Variants in PCBP3 observed in about 807,000 individuals in gnomAD.
The protein encoded by PCBP3 is poly(rC)-binding protein 3.
In PCBP3, 25 loss-of-function variants were observed where a neutral mutation model predicts 52.7. That is an observed-to-expected ratio of 0.47 (90% confidence interval 0.35 to 0.66). PCBP3 has a LOEUF of 0.66. Among genes scored for constraint, PCBP3 ranks in the 30% least tolerant of loss-of-function variants. The probability of loss-of-function intolerance (pLI) is 0.01; values close to 1 mark genes in which losing one functional copy is unlikely to be tolerated. For missense variants in PCBP3, 391 were observed against 490.3 expected, an observed-to-expected ratio of 0.80 and a Z score of 1.91; for synonymous variants, 162 against 183.0, an observed-to-expected ratio of 0.89 and a Z score of 0.93.
chr21:45,659,965 T>C (rs2080277214), intron 1 of PCBP3, among the ~76,000 whole-genome samples: 1 of 152,134 alleles, frequency 6.6e-6, no homozygotes, highest in African/African-American at 2.4e-5. Flanking sequence ...GTCTAATTAG[T>C]TTATTAGTAT....
intron 14 of PCBP3, 40 bp downstream of exon 14, chr21:45,930,035 C>T: frequency 1.4e-6 from 2 of 1,406,672 alleles, no homozygotes; most frequent in Non-Finnish European, 2.0e-6. Flanking sequence ...TCTCTTCTCA[C>T]CTGGGGACTT....
In PCBP3 at chr21:45,741,762, C is replaced by A. The variant is rs967364169; in HGVS notation, c.-162+6333C>A. On this transcript the variant is annotated intron_variant, in intron 3 of 17. Transcript: ENST00000681687. The surrounding 1 kb of genome is among the most constrained non-coding windows in gnomAD (Gnocchi z 4.5). ...AGCTCCCTTGCTTGCCCTGCTCCTG[C>A]CAGGGCAGACTTCCACTGCCCTTGC... Among the ~76,000 whole-genome samples, 1 of 152,184 alleles carries A rather than the reference C, an allele frequency of 6.6e-6. No individual in the cohort carries two copies. Among genetic ancestry groups the A allele is most frequent in the East Asian group, 1.9e-4 (1 of 5,190 alleles).
chr21:45,802,727 C>T lies in PCBP3; in HGVS notation c.-125-47234C>T, dbSNP rs529340216. Among the ~76,000 whole-genome samples the T allele has an allele frequency of 6.6e-6, 1 of 152,214 alleles. No individual in the cohort carries two copies. Among genetic ancestry groups the T allele is most frequent in the South Asian group, 2.1e-4 (1 of 4,816 alleles). ...AGGGAGGCAGGAGCAGGAGGGGCAT[C>T]GTGTCCCCAAGGACCCCAGGCAGGG... On this transcript the variant is annotated intron_variant, in intron 4 of 17. Coordinates refer to ENST00000681687, the MANE Select transcript of PCBP3 (RefSeq NM_001384156.1). This position sits in a 1 kb window ranked among gnomAD's most constrained non-coding sequence, Gnocchi z 5.1.
At chr21:45,711,079 G>A (rs1321672523) in intron 2 of PCBP3, among the ~76,000 whole-genome samples, 3 of 152,112 alleles carry the variant, frequency 2.0e-5, no homozygotes, top group Non-Finnish European at 4.4e-5. Context: ...AGTATTTCCT[G>A]CCCTTGTGCT....
At chr21:45,877,159 CTG>C (rs775623361) in intron 5 of PCBP3, among the ~76,000 whole-genome samples, 4 of 152,232 alleles carry the variant, frequency 2.6e-5, no homozygotes, top group African/African-American at 4.8e-5. Flanking sequence ...ATGTCATTCA[CTG>C]TTATTTTTGG....
chr21:45,895,045 G>A (rs1421093239), intron 5 of PCBP3, among the ~76,000 whole-genome samples: 1 of 152,222 alleles, frequency 6.6e-6, no homozygotes, highest in African/African-American at 2.4e-5. Flanking sequence ...AAGCGCGGGT[G>A]TAGACAGCGT....
Position 45,909,494 on chromosome 21 carries a change from G to T in PCBP3, c.471+8G>T. The T allele has an allele frequency of 1.2e-6, 2 of 1,611,718 alleles. No homozygotes were observed. Among genetic ancestry groups the T allele is most frequent in the South Asian group, 2.2e-5 (2 of 91,012 alleles). On this transcript the variant is annotated splice_region_variant and intron_variant, in intron 10 of 17. Transcript: ENST00000681687. ...ATCAAGGAGATCAGGGAGGTAACAGGACCTTCCCAGCCTGGGCCGCTGCGG... is the reference window on the plus strand; with the variant it reads ...ATCAAGGAGATCAGGGAGGTAACAGTACCTTCCCAGCCTGGGCCGCTGCGG...
At chr21:45,814,898 GGTGA>G (rs776242332) in intron 4 of PCBP3, among the ~76,000 whole-genome samples, 4 of 138,954 alleles carry the variant, frequency 2.9e-5, no homozygotes. Flanking sequence ...AGTGATGAGT[GGTGA>G]GTGAGTGGTG....
At chr21:45,784,844 C>T (rs558348172) in intron 4 of PCBP3, among the ~76,000 whole-genome samples, 3 of 152,202 alleles carry the variant, frequency 2.0e-5, no homozygotes, top group African/African-American at 7.2e-5. Flanking sequence ...GCCTTGGCCT[C>T]CCAAAGTGCC....
chr21:45,793,731 A>G (rs1295116116), intron 4 of PCBP3, among the ~76,000 whole-genome samples: 1 of 152,188 alleles, frequency 6.6e-6, no homozygotes, highest in Non-Finnish European at 1.5e-5. Context: ...TTGGCATCAG[A>G]CTTCTCAATG....
chr21:45,765,505 C>T (rs1041389157), intron 4 of PCBP3, among the ~76,000 whole-genome samples: 7 of 152,346 alleles, frequency 4.6e-5, no homozygotes, highest in African/African-American at 9.6e-5. Context: ...TGTGCTCTCC[C>T]GGCGGGCTGG....
At position 45,941,866 on chromosome 21, in the gene PCBP3, A is replaced by G. The variant is rs1294954889; in HGVS notation, c.*160A>G. The G allele has an allele frequency of 5.6e-6, 3 of 533,048 alleles. No individual in the cohort carries two copies. The highest frequency in any genetic ancestry group is 6.7e-5 in the East Asian group (2 of 30,060). The allele number at this position is 533,048 out of a possible 1,614,324, so 33.0% of individuals were successfully genotyped here. ...ATGCCATGGAGAAACACACCCGCGC[A>G]CACAGCTGCTCTCTACAGAGGCTGC... On this transcript the variant is annotated 3_prime_UTR_variant, in exon 18 of 18. Coordinates refer to ENST00000681687, the MANE Select transcript of PCBP3 (RefSeq NM_001384156.1).
chr21:45,658,169 C>G (rs975931782), intron 1 of PCBP3, among the ~76,000 whole-genome samples: 1 of 152,046 alleles, frequency 6.6e-6, no homozygotes, highest in Non-Finnish European at 1.5e-5. Context: ...TTATTTTTGT[C>G]CTTTATTATA....
intron 4 of PCBP3, among the ~76,000 whole-genome samples, chr21:45,847,809 A>C (rs1026643211): frequency 1.3e-5 from 2 of 152,206 alleles, no homozygotes; most frequent in Non-Finnish European, 2.9e-5. Context: ...GTTCTGGGTC[A>C]GTTTGTTCAA....
In PCBP3 at chr21:45,724,984, T is replaced by C. The variant is rs2084923454; in HGVS notation, c.-199-10408T>C. Among the ~76,000 whole-genome samples the C allele has an allele frequency of 6.6e-6, 1 of 152,234 alleles. No homozygotes were observed. The highest frequency in any genetic ancestry group is 1.9e-4 in the East Asian group (1 of 5,198). On this transcript the variant is annotated intron_variant, in intron 2 of 17. Transcript: ENST00000681687. The surrounding 1 kb of genome is among the most constrained non-coding windows in gnomAD (Gnocchi z 5.3). ...ATAAACTGTTGTGAGCCGTTAAGTA[T>C]GGCAGTTTGTATCATGGTTAAATCT...
At position 45,724,409 on chromosome 21, in the gene PCBP3, C is replaced by G. The variant is rs1453991613; in HGVS notation, c.-199-10983C>G. 6.6e-6 allele frequency among the ~76,000 whole-genome samples: 1 copy of G among 152,076 alleles called. No homozygotes were observed. Among genetic ancestry groups the G allele is most frequent in the Non-Finnish European group, 1.5e-5 (1 of 68,006 alleles). ...GCATGGGGGCTGCCCACACTCCCTG[C>G]TGCTTTCTGCTCTCTGCTTGTTCAT... On this transcript the variant is annotated intron_variant, in intron 2 of 17. Transcript: ENST00000681687. The surrounding 1 kb of genome is among the most constrained non-coding windows in gnomAD (Gnocchi z 5.3).
At chr21:45,697,300 C>T (rs1409140896) in intron 2 of PCBP3, among the ~76,000 whole-genome samples, 1 of 152,196 alleles carries the variant, frequency 6.6e-6, no homozygotes, top group Non-Finnish European at 1.5e-5. Context: ...AACATATGTA[C>T]ATTGGAATAC....
chr21:45,899,912 C>T (rs1023880062), intron 7 of PCBP3, among the ~76,000 whole-genome samples: 1 of 152,184 alleles, frequency 6.6e-6, no homozygotes, highest in Non-Finnish European at 1.5e-5. Context: ...GGTTGAAGAC[C>T]CCACGAAGAA....
At chr21:45,696,740 G>A (rs544328361) in intron 2 of PCBP3, among the ~76,000 whole-genome samples, 12 of 151,756 alleles carry the variant, frequency 7.9e-5, no homozygotes, top group African/African-American at 1.7e-4. Flanking sequence ...GCAGTGAGCC[G>A]AGATTGCGCC....
Sources: gnomAD v4.1 joint callset for allele counts (sites outside exome capture counted in the v4.1 genomes callset) on GRCh38, gnomAD v4.1.1 for gene constraint, Gnocchi (gnomAD v3.1) non-coding constraint, MANE v1.5 for transcripts, NCBI Gene and HGNC (gene_info 2026-07-23, HGNC 2026-07-21) for gene names.